The following PELI2 variants were observed in gnomAD, a reference collection of about 807,000 sequenced individuals.
The protein encoded by PELI2 is E3 ubiquitin-protein ligase pellino homolog 2.
A neutral mutation model predicts 42.3 loss-of-function variants in PELI2; 23 were observed. The observed-to-expected ratio is 0.54, with a 90% confidence interval of 0.39 to 0.77. The LOEUF (loss-of-function observed/expected upper bound fraction) is 0.77, where lower values mean the gene tolerates loss of function less well. Ranked by LOEUF, PELI2 falls within the 30% of genes least tolerant of loss-of-function variation. The pLI is 0.00. For synonymous variants in PELI2, 245 were observed against 212.2 expected (o/e 1.15, Z -1.34); for missense variants, 463 against 553.2 (o/e 0.84, Z 1.64).
intron 2 of PELI2, among the ~76,000 whole-genome samples, chr14:56,235,524 T>C (rs1382264193): frequency 6.6e-6 from 1 of 152,220 alleles, no homozygotes; most frequent in Non-Finnish European, 1.5e-5. Context: ...GAGCCAGGCC[T>C]AGAGCTGCTG....
Position 56,118,460 on chromosome 14 carries a change from C to T in PELI2, c.-201C>T. On this transcript the variant is annotated 5_prime_UTR_variant, in exon 1 of 6. Transcript: ENST00000267460. ...GGGGCGGCCGCGGCGCGCGGAGCTC[C>T]GGGGAGTCAGGCGGAGCAGCCGCGC... 3.1e-6 allele frequency: 1 copy of T among 322,028 alleles called. No homozygotes were observed. Among genetic ancestry groups the T allele is most frequent in the Non-Finnish European group, 5.6e-6 (1 of 178,876 alleles). 19.9% of individuals were successfully genotyped at this position (322,028 alleles called of 1,614,324 possible). A position where few individuals can be genotyped will look rare whatever the true frequency, so the allele number is the denominator to read the frequency against.
chr14:56,122,600 T>TC (rs571220799), intron 1 of PELI2, among the ~76,000 whole-genome samples: 89 of 151,206 alleles, frequency 5.9e-4, no homozygotes, highest in African/African-American at 2.1e-3. Context: ...TTGCAAGACT[T>TC]TTTTTTTTTC....
At chr14:56,189,281 C>G (rs1369114360) in intron 2 of PELI2, among the ~76,000 whole-genome samples, 1 of 152,172 alleles carries the variant, frequency 6.6e-6, no homozygotes, top group East Asian at 1.9e-4. Flanking sequence ...CAGTTTTTGT[C>G]CATCATGGGT....
chr14:56,290,303 C>T lies in PELI2; in HGVS notation c.543C>T (p.His181=). 6.2e-7 allele frequency: 1 copy of T among 1,603,330 alleles called. No homozygotes were observed. Among genetic ancestry groups the T allele is most frequent in the Non-Finnish European group, 8.5e-7 (1 of 1,172,266 alleles). ...KAAKWKNPDG[H]MDGLTTNGVL... ...CAAAGTGGAAAAACCCCGACGGCCA[C>T]ATGGATGGGCTCACTACTAATGGCG... is the stretch of plus-strand genomic sequence containing the variant. Residue 181 remains histidine, a synonymous_variant, in exon 5 of 6, where the codon CAC becomes CAT. Transcript: ENST00000267460.
intron 2 of PELI2, among the ~76,000 whole-genome samples, chr14:56,225,396 A>G (rs1285643118): frequency 6.6e-6 from 1 of 152,206 alleles, no homozygotes; most frequent in Non-Finnish European, 1.5e-5. Context: ...TGATGCGACC[A>G]CAAAGCTGTC....
chr14:56,241,295 C>T (rs943834327), intron 2 of PELI2, among the ~76,000 whole-genome samples: 2 of 152,066 alleles, frequency 1.3e-5, no homozygotes. Context: ...AAAAAAATCC[C>T]TCAAAAAGTA....
chr14:56,141,928 ATAAACT>A (rs372071001), intron 1 of PELI2, among the ~76,000 whole-genome samples: 45 of 152,334 alleles, frequency 3.0e-4, no homozygotes, highest in African/African-American at 1.0e-3. Flanking sequence ...AAAGGCCTTG[ATAAACT>A]TAAACAAATG....
At chr14:56,147,977 G>C (rs1037035574) in intron 1 of PELI2, among the ~76,000 whole-genome samples, 2 of 152,180 alleles carry the variant, frequency 1.3e-5, no homozygotes, top group African/African-American at 4.8e-5. Context: ...TGCTTTAATA[G>C]CATTAGATGA....
chr14:56,146,420 A>G (rs1042461741), intron 1 of PELI2, among the ~76,000 whole-genome samples: 3 of 152,202 alleles, frequency 2.0e-5, no homozygotes, highest in African/African-American at 7.2e-5. Context: ...TTGGCGATGC[A>G]TTGGTTCAGT....
At chr14:56,138,064 G>C (rs1446643963) in intron 1 of PELI2, among the ~76,000 whole-genome samples, 1 of 152,162 alleles carries the variant, frequency 6.6e-6, no homozygotes, top group African/African-American at 2.4e-5. Context: ...CCGCGATGTG[G>C]GTCAGCCAGG....
chr14:56,204,449 A>G (rs1886443574), intron 2 of PELI2, among the ~76,000 whole-genome samples: 1 of 152,114 alleles, frequency 6.6e-6, no homozygotes, highest in Non-Finnish European at 1.5e-5. Context: ...AAATGGAAGG[A>G]TAATGTGAAT....
intron 2 of PELI2, among the ~76,000 whole-genome samples, chr14:56,181,749 C>T (rs1306433608): frequency 6.6e-6 from 1 of 152,018 alleles, no homozygotes; most frequent in Non-Finnish European, 1.5e-5. Flanking sequence ...CAAGTGCGTG[C>T]TACTGTTGTG....
intron 3 of PELI2, among the ~76,000 whole-genome samples, chr14:56,284,833 A>C (rs1262244111): frequency 6.6e-6 from 1 of 152,294 alleles, no homozygotes; most frequent in East Asian, 1.9e-4. Flanking sequence ...CTCTCCTCTC[A>C]AGGAGGCTAC....
intron 2 of PELI2, among the ~76,000 whole-genome samples, chr14:56,275,202 G>A (rs979020256): frequency 2.0e-5 from 3 of 152,076 alleles, no homozygotes; most frequent in African/African-American, 4.8e-5. Context: ...CAGAGGTGGC[G>A]ACCTGCGTTC....
At chr14:56,173,833 T>G (rs1885268357) in intron 1 of PELI2, among the ~76,000 whole-genome samples, 1 of 152,228 alleles carries the variant, frequency 6.6e-6, no homozygotes, top group Non-Finnish European at 1.5e-5. Flanking sequence ...TGATCTCATC[T>G]TGAGATCCTG....
At chr14:56,157,752 T>A (rs976013913) in intron 1 of PELI2, among the ~76,000 whole-genome samples, 1 of 152,186 alleles carries the variant, frequency 6.6e-6, no homozygotes, top group Non-Finnish European at 1.5e-5. Context: ...ATTCAAAAAG[T>A]TTAAAGTAAA....
At chr14:56,216,766 G>A (rs1166951540) in intron 2 of PELI2, among the ~76,000 whole-genome samples, 1 of 152,216 alleles carries the variant, frequency 6.6e-6, no homozygotes, top group African/African-American at 2.4e-5. Context: ...AGGGCTCAGT[G>A]TTCTGGCTCC....
At chr14:56,259,153 G>T (rs1325346487) in intron 2 of PELI2, among the ~76,000 whole-genome samples, 1 of 151,978 alleles carries the variant, frequency 6.6e-6, no homozygotes, top group Non-Finnish European at 1.5e-5. Context: ...GAGAAGTAAA[G>T]ACTTTATTTC....
chr14:56,245,309 G>A (rs1888112315), intron 2 of PELI2, among the ~76,000 whole-genome samples: 1 of 152,108 alleles, frequency 6.6e-6, no homozygotes, highest in South Asian at 2.1e-4. Context: ...AATTAGCTTA[G>A]ATGTGGAACC....
Sources: allele counts gnomAD v4.1 joint callset (sites outside exome capture counted in the v4.1 genomes callset), GRCh38; gene constraint gnomAD v4.1.1; transcripts MANE v1.5; gene names NCBI Gene and HGNC (gene_info 2026-07-23, HGNC 2026-07-21).